TOX3: variants seen among roughly 807,000 people sequenced by gnomAD.
TOX3 encodes the protein TOX high mobility group box family member 3, also known as CAG trinucleotide repeat-containing gene F9 protein.
TOX3 carries 22 observed loss-of-function variants against 64.3 expected under a neutral mutation model. That is an observed-to-expected ratio of 0.34 (90% CI 0.24 to 0.49). The LOEUF (loss-of-function observed/expected upper bound fraction) is 0.49. Ranked by LOEUF, TOX3 falls within the 20% of genes least tolerant of loss-of-function variation. The pLI is 0.99. For synonymous variants in TOX3, 291 were observed against 273.6 expected, an observed-to-expected ratio of 1.06 and a Z score of -0.63; for missense variants, 661 against 714.4, an observed-to-expected ratio of 0.93 and a Z score of 0.85.
Position 52,450,396 on chromosome 16 carries a change from C to A in TOX3, c.559G>T (p.Gly187Trp), listed in dbSNP as rs1317193807. ...ATACTGGCACCTCCCAAATTCAACC[C>A]CAACTGGGCGCTGAGCTGAGACTGG... ...INQSQLSAQL[G>W]LNLGGASMPH... Residue 187 changes from glycine to tryptophan, a missense_variant, in exon 4 of 7, where the codon GGG becomes TGG. Physicochemically the swap from Gly to Trp is radical, Grantham distance 184 (BLOSUM62 -2). Coordinates refer to ENST00000219746, the MANE Select transcript of TOX3 (RefSeq NM_001080430.4). 1.9e-6 allele frequency: 3 copies of A among 1,613,808 alleles called. No homozygotes were observed. In the African/African-American group the frequency reaches 4.0e-5, roughly 22 times the overall value.
At chr16:52,467,908 C>T (rs574920217) in intron 2 of TOX3, among the ~76,000 whole-genome samples, 1 of 152,280 alleles carries the variant, frequency 6.6e-6, no homozygotes, top group South Asian at 2.1e-4. Context: ...CCAGCTGTGA[C>T]CAAGTCTTGG....
intron 3 of TOX3, among the ~76,000 whole-genome samples, chr16:52,455,846 G>A (rs1960500467): frequency 6.6e-6 from 1 of 152,162 alleles, no homozygotes; most frequent in Admixed American, 6.5e-5. Flanking sequence ...AAGGTAAAGG[G>A]TGAAATGCAA....
In TOX3 at chr16:52,446,077, C is replaced by T. The variant is rs376846754; in HGVS notation, c.823G>A (p.Gly275Ser). 1.2e-6 allele frequency: 2 copies of T among 1,613,928 alleles called. No individual in the cohort carries two copies. Among genetic ancestry groups the T allele is most frequent in the African/African-American group, 2.7e-5 (2 of 75,036 alleles). ...CCAAAGGTTGCATTGGGGTTTTGAC[C>T]TTTAATTGCAGCCTGTGTGTCTCTG... ...FFRDTQAAIK[G>S]QNPNATFGEV... is the part of the protein sequence containing the mutation. Residue 275 changes from glycine (G) to serine (S), a missense_variant, in exon 5 of 7, where the codon GGT becomes AGT. Gly to Ser is a moderately conservative substitution (Grantham distance 56). Around this residue, in one of 3 missense-constraint regions of TOX3, gnomAD observed 103 missense variants for 161.2 expected, o/e 0.64. Coordinates refer to ENST00000219746, the MANE Select transcript of TOX3 (RefSeq NM_001080430.4).
intron 1 of TOX3, among the ~76,000 whole-genome samples, chr16:52,499,294 G>C (rs1016011077): frequency 1.1e-4 from 17 of 152,302 alleles, no homozygotes; most frequent in African/African-American, 3.4e-4. Context: ...CATTTACTTC[G>C]AAACGACATG....
intron 2 of TOX3, among the ~76,000 whole-genome samples, chr16:52,467,676 T>C (rs1175706392): frequency 6.6e-6 from 1 of 152,218 alleles, no homozygotes; most frequent in Non-Finnish European, 1.5e-5. Context: ...ATCTTAAATC[T>C]CACACAGTCT....
intron 1 of TOX3, among the ~76,000 whole-genome samples, chr16:52,516,985 AAC>A (rs1962475947): frequency 6.6e-6 from 1 of 152,236 alleles, no homozygotes; most frequent in Non-Finnish European, 1.5e-5. Flanking sequence ...ACTTACCTAG[AAC>A]ATCATGGACA....
intron 1 of TOX3, among the ~76,000 whole-genome samples, chr16:52,502,835 C>T (rs1186904496): frequency 3.3e-5 from 5 of 152,258 alleles, no homozygotes; most frequent in African/African-American, 9.6e-5. Context: ...ATAATCCTAA[C>T]AATGACAATG....
At position 52,547,107 on chromosome 16, in the gene TOX3, C is replaced by T. The variant is rs914167388; in HGVS notation, c.-384G>A. ...GGCGGCTGGCCCCGCTCCTCCTCCT[C>T]CTCCCCGGGCGGACTGAGGAGACGA... On this transcript the variant is annotated 5_prime_UTR_variant, in exon 1 of 7. Coordinates refer to ENST00000219746, the MANE Select transcript of TOX3 (RefSeq NM_001080430.4). 6.2e-5 allele frequency: 15 copies of T among 243,760 alleles called. No individual in the cohort carries two copies. The highest frequency in any genetic ancestry group is 3.4e-4 in the Admixed American group (5 of 14,870). 15.1% of individuals were successfully genotyped at this position (243,760 alleles called of 1,614,324 possible).
At chr16:52,546,335 C>A (rs4784224) in intron 1 of TOX3, among the ~76,000 whole-genome samples, 78,698 of 151,822 alleles carry the variant, frequency 0.52, 20,851 homozygotes, top group East Asian at 0.63. Flanking sequence ...AATCACACGC[C>A]AGCCCTTCTT....
chr16:52,539,333 A>G (rs898174373), intron 1 of TOX3, among the ~76,000 whole-genome samples: 4 of 152,214 alleles, frequency 2.6e-5, no homozygotes, highest in African/African-American at 9.6e-5. Flanking sequence ...ATGGTGCAGT[A>G]GGATTTCCAA....
At position 52,546,625 on chromosome 16, in the gene TOX3, C is replaced by G; in HGVS notation, c.87+12G>C. 1 of 1,538,174 alleles carries G rather than the reference C, an allele frequency of 6.5e-7. No homozygotes were observed. Among genetic ancestry groups the G allele is most frequent in the African/African-American group, 1.4e-5 (1 of 72,914 alleles). ...GCCCCCGCCCCCCGGCCCACCGGCC[C>G]AGCCCGGTCACCTTGCTGTAGCCGT... is the stretch of plus-strand genomic sequence containing the variant. On this transcript the variant is annotated intron_variant, in intron 1 of 6. Transcript: ENST00000219746.
At chr16:52,473,485 T>C (rs1357039611) in intron 1 of TOX3, among the ~76,000 whole-genome samples, 2 of 152,222 alleles carry the variant, frequency 1.3e-5, no homozygotes, top group African/African-American at 4.8e-5. Context: ...ACAAATGAAC[T>C]GTGCCATGAT....
chr16:52,535,773 C>T (rs1962932359), intron 1 of TOX3, among the ~76,000 whole-genome samples: 1 of 152,200 alleles, frequency 6.6e-6, no homozygotes. Context: ...CTCCTGTTCT[C>T]TCATCCCTGC....
rs1962071501 is a variant in TOX3, at chr16:52,503,737, A to G, written c.88-35163T>C. ...AATAAGCAATAAATTTTTTTTAAAG[A>G]GCTGTTATTTTAAGACTTTATTTGA... On this transcript the variant is annotated intron_variant, in intron 1 of 6. Transcript: ENST00000219746. 2.0e-5 allele frequency among the ~76,000 whole-genome samples: 3 copies of G among 152,288 alleles called. No individual in the cohort carries two copies. The South Asian group carries it at 6.2e-4, about 32-fold the overall frequency.
intron 1 of TOX3, among the ~76,000 whole-genome samples, chr16:52,471,240 A>G (rs1238528915): frequency 6.6e-6 from 1 of 152,178 alleles, no homozygotes; most frequent in Non-Finnish European, 1.5e-5. Context: ...CTACCCTACC[A>G]TGGTGGTTAA....
intron 2 of TOX3, among the ~76,000 whole-genome samples, chr16:52,466,767 A>T (rs1960878844): frequency 6.6e-6 from 1 of 152,216 alleles, no homozygotes; most frequent in African/African-American, 2.4e-5. Context: ...CTAATATAAT[A>T]ATCCACTGAA....
chr16:52,453,144 T>C (rs774210384), intron 3 of TOX3, among the ~76,000 whole-genome samples: 1 of 152,028 alleles, frequency 6.6e-6, no homozygotes, highest in African/African-American at 2.4e-5. Context: ...TTACGCCATC[T>C]AGCTTATTCT....
rs981407037 is a variant in TOX3 at position 52,540,583 on chromosome 16, T to C, written c.87+6054A>G. 5.9e-5 allele frequency among the ~76,000 whole-genome samples: 9 copies of C among 152,114 alleles called. No individual in the cohort carries two copies. The South Asian group carries it at 8.3e-4, about 14-fold the overall frequency. ...TGATCAAAGTAATCTTCCTCTTTGC[T>C]AGTGAGTAGCCTAGGGTTGGTACGC... On this transcript the variant is annotated intron_variant, in intron 1 of 6. Transcript: ENST00000219746.
Position 52,437,449 on chromosome 16 carries a change from T to G in TOX3, c.*1776A>C, listed in dbSNP as rs987409103. The G allele has an allele frequency of 3.3e-5, 5 of 152,226 alleles. No homozygotes were observed. The highest frequency in any genetic ancestry group is 2.6e-4 in the Admixed American group (4 of 15,280). The allele number at this position is 152,226 out of a possible 1,614,324, so 9.4% of individuals were successfully genotyped here. A position where few individuals can be genotyped will look rare whatever the true frequency, so the allele number is the denominator to read the frequency against. ...TTAGGATTCTGGTCAGGGTTGACAC[T>G]TGCTGTTTTTAATTTTCATTTTATC... is the stretch of plus-strand genomic sequence containing the variant. On this transcript the variant is annotated 3_prime_UTR_variant, in exon 7 of 7. Coordinates refer to ENST00000219746, the MANE Select transcript of TOX3 (RefSeq NM_001080430.4).
Sources: gnomAD v4.1 joint callset for allele counts (sites outside exome capture counted in the v4.1 genomes callset) on GRCh38, gnomAD v4.1.1 for gene constraint, gnomAD v4.1.1 regional missense constraint, MANE v1.5 for transcripts, NCBI Gene and HGNC (gene_info 2026-07-23, HGNC 2026-07-21) for gene names.